TRHDE: variants seen among roughly 807,000 people sequenced by gnomAD.
TRHDE encodes the protein thyrotropin-releasing hormone-degrading ectoenzyme.
Under a neutral mutation model 125.7 loss-of-function variants are expected in TRHDE, and 72 were observed. The ratio of observed to expected loss-of-function variants is 0.57; its 90% CI spans 0.47 to 0.70. The LOEUF (loss-of-function observed/expected upper bound fraction) is 0.70, where lower values mean the gene tolerates loss of function less well. Among genes scored for constraint, TRHDE ranks in the 30% least tolerant of loss-of-function variants. The pLI, the probability that TRHDE is intolerant of heterozygous loss-of-function variation, is 0.00. For missense variants in TRHDE, 1,110 were observed against 1,327.1 expected (o/e 0.84, Z 2.54); for synonymous variants, 509 against 509.1 (o/e 1.00, Z 0.00).
At chr12:72,282,145 G>A (rs1258011082) in intron 1 of TRHDE, among the ~76,000 whole-genome samples, 1 of 152,032 alleles carries the variant, frequency 6.6e-6, no homozygotes, top group Non-Finnish European at 1.5e-5. Context: ...AAATGATTTT[G>A]TTTAGGAAAG....
At chr12:72,237,638 C>T (rs1878360139) in intron 2 of TRHDE, among the ~76,000 whole-genome samples, 1 of 152,170 alleles carries the variant, frequency 6.6e-6, no homozygotes, top group Non-Finnish European at 1.5e-5. Context: ...CCACTGTGTG[C>T]ACTCTCTCTC....
intron 2 of TRHDE, among the ~76,000 whole-genome samples, chr12:72,349,679 G>A (rs575860217): frequency 2.0e-5 from 3 of 152,088 alleles, no homozygotes; most frequent in East Asian, 3.9e-4. Flanking sequence ...ATTTGTGACT[G>A]TAACTAATTG....
intron 2 of TRHDE, among the ~76,000 whole-genome samples, chr12:72,191,880 C>T (rs765093112): frequency 5.9e-5 from 9 of 152,118 alleles, no homozygotes; most frequent in Middle Eastern, 3.4e-3. Context: ...AAATACTTTC[C>T]GAAAACAGAA....
At position 72,128,384 on chromosome 12, in the gene TRHDE, C is replaced by A. The variant is rs549209348; in HGVS notation, n.279+22632C>A. Among the ~76,000 whole-genome samples, 20 of 152,112 alleles carry A rather than the reference C, an allele frequency of 1.3e-4. 1 individual carries two copies. In the South Asian group the frequency reaches 4.0e-3, roughly 30 times the overall value. ...AAACACAAAAAGATCCAGTACCCAG[C>A]AAGATAAAATTGGATACTGAGCATT... On this transcript the variant is annotated intron_variant and non_coding_transcript_variant, in intron 2 of 4. Transcript: ENST00000548156.
intron 10 of TRHDE, among the ~76,000 whole-genome samples, chr12:72,574,659 C>G (rs992297881): frequency 6.6e-6 from 1 of 151,976 alleles, no homozygotes; most frequent in African/African-American, 2.4e-5. Flanking sequence ...AAAGTGATCC[C>G]AATAAGCAGA....
At chr12:72,181,513 T>G (rs1416587038) in intron 2 of TRHDE, among the ~76,000 whole-genome samples, 1 of 152,186 alleles carries the variant, frequency 6.6e-6, no homozygotes, top group Non-Finnish European at 1.5e-5. Flanking sequence ...CAACAATAAT[T>G]TAAATTAAAT....
intron 2 of TRHDE, among the ~76,000 whole-genome samples, chr12:72,346,784 C>T (rs372816786): frequency 1.3e-5 from 2 of 152,176 alleles, no homozygotes; most frequent in East Asian, 3.9e-4. Context: ...CTTGCTGGAG[C>T]TGCTCTAACA....
rs192987052 is a variant in TRHDE at position 72,155,153 on chromosome 12, A to G, written n.279+49401A>G. ...CTTCATTTCATTCATTTGATCTTCC[A>G]TCACTGATACCCTTTCTTCCAGTTG... On this transcript the variant is annotated intron_variant and non_coding_transcript_variant, in intron 2 of 4. Coordinates refer to the TRHDE transcript ENST00000548156. Among the ~76,000 whole-genome samples, 105 of 152,228 alleles carry G rather than the reference A, an allele frequency of 6.9e-4. 1 individual carries two copies. The East Asian group carries it at 0.016, about 24-fold the overall frequency.
intron 2 of TRHDE, chr12:72,306,696 T>C (rs1316435075): frequency 6.6e-6 from 1 of 152,150 alleles, no homozygotes; most frequent in Non-Finnish European, 1.5e-5. Context: ...CAGCAGTAAA[T>C]AAAATGGGCA....
chr12:72,146,635 A>T (rs1302348359), intron 2 of TRHDE, among the ~76,000 whole-genome samples: 4 of 152,228 alleles, frequency 2.6e-5, no homozygotes, highest in African/African-American at 9.7e-5. Context: ...GCAGGTGCAG[A>T]GGCCTCGGCA....
intron 4 of TRHDE, among the ~76,000 whole-genome samples, chr12:72,470,584 C>T (rs936767126): frequency 2.0e-5 from 3 of 152,096 alleles, no homozygotes; most frequent in Non-Finnish European, 2.9e-5. Flanking sequence ...GGAAAAAAAT[C>T]ACTGAAAATA....
intron 15 of TRHDE, 103 bp from the exon 16 acceptor site, chr12:72,652,219 T>C: frequency 1.4e-6 from 1 of 727,478 alleles, no homozygotes; most frequent in Non-Finnish European, 2.0e-6. Context: ...AGCAAAATAA[T>C]CTTTTAAAAA....
At chr12:72,263,109 A>G (rs1347570725) in intron 2 of TRHDE, 2 of 152,110 alleles carry the variant, frequency 1.3e-5, no homozygotes, top group Admixed American at 1.3e-4. Flanking sequence ...AAAAAACCCC[A>G]TATAGTTCAT....
intron 3 of TRHDE, among the ~76,000 whole-genome samples, chr12:72,384,017 A>G (rs947836741): frequency 6.6e-6 from 1 of 152,202 alleles, no homozygotes; most frequent in Non-Finnish European, 1.5e-5. Context: ...AACTTAAAAA[A>G]GTGCACATGT....
chr12:72,608,664 C>T (rs1872535911), intron 12 of TRHDE, among the ~76,000 whole-genome samples: 1 of 152,166 alleles, frequency 6.6e-6, no homozygotes, highest in Non-Finnish European at 1.5e-5. Context: ...ACTAAGACCT[C>T]CATTTTAATG....
chr12:72,657,638 T>C (rs1874757665), intron 18 of TRHDE, among the ~76,000 whole-genome samples: 1 of 152,144 alleles, frequency 6.6e-6, no homozygotes, highest in Non-Finnish European at 1.5e-5. Context: ...GGTTATGGAG[T>C]ATCTAACATT....
At chr12:72,212,293 G>A (rs2139362547) in intron 2 of TRHDE, among the ~76,000 whole-genome samples, 1 of 151,940 alleles carries the variant, frequency 6.6e-6, no homozygotes, top group South Asian at 2.1e-4. Flanking sequence ...AGAAGACTTA[G>A]GAGTTAGTCT....
chr12:72,299,560 G>A (rs1040494837), intron 2 of TRHDE, among the ~76,000 whole-genome samples: 22 of 152,112 alleles, frequency 1.4e-4, no homozygotes, highest in African/African-American at 2.9e-4. Flanking sequence ...TTGAGCAACC[G>A]TGTTCAACAA....
chr12:72,362,846 G>T (rs144448741), intron 2 of TRHDE, among the ~76,000 whole-genome samples: 2 of 151,940 alleles, frequency 1.3e-5, no homozygotes, highest in East Asian at 1.9e-4. Context: ...CTTGTTTTTC[G>T]CAGGTTTGTT....
Sources: gnomAD v4.1 joint callset for allele counts (sites outside exome capture counted in the v4.1 genomes callset) on GRCh38, gnomAD v4.1.1 for gene constraint, MANE v1.5 for transcripts, NCBI Gene and HGNC (gene_info 2026-07-23, HGNC 2026-07-21) for gene names.